DPP6: variants seen among roughly 807,000 people sequenced by gnomAD.
DPP6 encodes the protein A-type potassium channel modulatory protein DPP6.
DPP6 carries 69 observed loss-of-function variants against 122.6 expected under a neutral mutation model. The ratio of observed to expected loss-of-function variants is 0.56; its 90% CI spans 0.46 to 0.69. The LOEUF is 0.69. Among genes scored for constraint, DPP6 ranks in the 30% least tolerant of loss-of-function variants. The probability of loss-of-function intolerance (pLI) is 0.00; values close to 1 mark genes in which losing one functional copy is unlikely to be tolerated. For synonymous variants in DPP6, 418 were observed against 433.1 expected, an observed-to-expected ratio of 0.97 and a Z score of 0.43; for missense variants, 928 against 1,116.9, an observed-to-expected ratio of 0.83 and a Z score of 2.41.
chr7:154,632,682 C>T (rs77095273), intron 5 of DPP6, among the ~76,000 whole-genome samples: 1,574 of 152,068 alleles, frequency 0.01, 12 homozygotes, highest in Non-Finnish European at 0.019. Flanking sequence ...ATTTAGGTTA[C>T]GGTTTAAAAT....
At chr7:154,676,659 G>T (rs1443121784) in intron 7 of DPP6, among the ~76,000 whole-genome samples, 1 of 152,258 alleles carries the variant, frequency 6.6e-6, no homozygotes, top group African/African-American at 2.4e-5. Flanking sequence ...ACCTCAGTGT[G>T]AAGCGGGATT....
intron 1 of DPP6, among the ~76,000 whole-genome samples, chr7:154,427,339 T>C (rs1358202733): frequency 6.6e-6 from 1 of 152,244 alleles, no homozygotes; most frequent in Non-Finnish European, 1.5e-5. Context: ...ACGCTTTATC[T>C]CTTTGGTTTA....
At chr7:154,668,219 A>ATATGTGTGTATAT (rs1554430259) in intron 6 of DPP6, among the ~76,000 whole-genome samples, 1 of 54,404 alleles carries the variant, frequency 1.8e-5, no homozygotes, top group African/African-American at 4.4e-5. Context: ...ATATATATAT[A>ATATGTGTGTATAT]ATATACACAT....
intron 1 of DPP6, among the ~76,000 whole-genome samples, chr7:154,356,221 C>A (rs997333663): frequency 6.6e-6 from 1 of 152,052 alleles, no homozygotes; most frequent in Non-Finnish European, 1.5e-5. Context: ...ATTGACTTTG[C>A]ATTTTCTTAG....
intron 1 of DPP6, among the ~76,000 whole-genome samples, chr7:154,072,936 C>T (rs944209645): frequency 1.1e-4 from 16 of 152,344 alleles, no homozygotes; most frequent in Admixed American, 6.5e-4. Context: ...CCGGGGGACC[C>T]ACACGCTCAC....
intron 1 of DPP6, among the ~76,000 whole-genome samples, chr7:153,935,250 G>A (rs2215192): frequency 1.3e-5 from 2 of 151,452 alleles, no homozygotes; most frequent in African/African-American, 4.9e-5. Flanking sequence ...CCAGAGAAGG[G>A]GGGGGACGTG....
At chr7:154,257,708 C>CACAT (rs1563377819) in intron 1 of DPP6, among the ~76,000 whole-genome samples, 1 of 151,596 alleles carries the variant, frequency 6.6e-6, no homozygotes, top group Non-Finnish European at 1.5e-5. Context: ...CAAAAATAAA[C>CACAT]AAATAAATAA....
At chr7:154,187,361 T>C (rs1306515312) in intron 1 of DPP6, among the ~76,000 whole-genome samples, 1 of 152,212 alleles carries the variant, frequency 6.6e-6, no homozygotes, top group African/African-American at 2.4e-5. Flanking sequence ...TTGGAATCAC[T>C]GTTTTAAGTG....
At chr7:154,540,402 G>A in intron 3 of DPP6, 130 bp from the exon 4 acceptor site, 1 of 653,792 alleles carries the variant, frequency 1.5e-6, no homozygotes, top group East Asian at 2.7e-5. Context: ...CATATTGAAA[G>A]GGCCGTTTGA....
chr7:154,522,815 G>A (rs913499671), intron 3 of DPP6, among the ~76,000 whole-genome samples: 4 of 152,188 alleles, frequency 2.6e-5, no homozygotes, highest in African/African-American at 9.7e-5. Context: ...GTCTTCACCT[G>A]TACAATTAGT....
chr7:154,664,928 G>C (rs1838053410), intron 6 of DPP6, among the ~76,000 whole-genome samples: 1 of 151,956 alleles, frequency 6.6e-6, no homozygotes, highest in Non-Finnish European at 1.5e-5. Flanking sequence ...AATTAACATG[G>C]GTGCCATATT....
chr7:153,918,628 C>T (rs1563006447), intron 1 of DPP6, among the ~76,000 whole-genome samples: 2 of 139,306 alleles, frequency 1.4e-5, no homozygotes, highest in South Asian at 4.5e-4. Flanking sequence ...CTGTCTCTCT[C>T]ACTACTGGTG....
At chr7:154,644,725 T>TG (rs1563053425) in intron 6 of DPP6, among the ~76,000 whole-genome samples, 1 of 129,076 alleles carries the variant, frequency 7.7e-6, no homozygotes, top group Non-Finnish European at 1.7e-5. Context: ...TTTTTTTTTT[T>TG]AAGATACAGA....
chr7:154,040,758 T>G (rs1226308172), intron 1 of DPP6, among the ~76,000 whole-genome samples: 1 of 152,320 alleles, frequency 6.6e-6, no homozygotes, highest in African/African-American at 2.4e-5. Context: ...GGCTGGAACA[T>G]TTTTCCTTTA....
intron 1 of DPP6, among the ~76,000 whole-genome samples, chr7:154,351,769 C>T (rs1265179227): frequency 6.6e-6 from 1 of 152,150 alleles, no homozygotes; most frequent in Non-Finnish European, 1.5e-5. Context: ...GGAATTGGAG[C>T]CAAGACAGGA....
rs150440430 is a variant in DPP6, at chr7:154,292,284, A to G, written c.244-153930A>G. Among the ~76,000 whole-genome samples the G allele has an allele frequency of 7.9e-4, 120 of 152,280 alleles. 3 individuals carry two copies. The highest frequency in any genetic ancestry group is 2.7e-3 in the African/African-American group (112 of 41,554). On this transcript the variant is annotated intron_variant, in intron 1 of 25. Transcript: ENST00000377770. ...TCTGGTCCCCCACAAGTTTCACCCT[A>G]GTGACTGTTCTCTGTCATCCCACGC...
intron 1 of DPP6, among the ~76,000 whole-genome samples, chr7:154,344,860 C>T (rs7780074): frequency 0.11 from 16,679 of 152,022 alleles, 1,324 homozygotes; most frequent in African/African-American, 0.22. Context: ...TGCACTCCAG[C>T]CTGGGTGACA....
intron 1 of DPP6, among the ~76,000 whole-genome samples, chr7:153,942,118 G>A (rs147478725): frequency 2.2e-3 from 341 of 152,266 alleles, no homozygotes; most frequent in South Asian, 7.7e-3. Context: ...ATTCAATTTA[G>A]CACCACCGTT....
At chr7:153,915,227 A>C (rs1800256257) in intron 1 of DPP6, among the ~76,000 whole-genome samples, 1 of 152,186 alleles carries the variant, frequency 6.6e-6, no homozygotes, top group Non-Finnish European at 1.5e-5. Flanking sequence ...ACTTGTCCAA[A>C]GTGACTCTAC....
Sources: gnomAD v4.1 joint callset for allele counts (sites outside exome capture counted in the v4.1 genomes callset) on GRCh38, gnomAD v4.1.1 for gene constraint, MANE v1.5 for transcripts, NCBI Gene and HGNC (gene_info 2026-07-23, HGNC 2026-07-21) for gene names.